CADM2: variants seen among roughly 807,000 people sequenced by gnomAD.
CADM2 encodes immunoglobulin superfamily member 4D.
In CADM2, 12 loss-of-function variants were observed where a neutral mutation model predicts 49.8. The observed-to-expected ratio is 0.24, with a 90% CI of 0.15 to 0.39. CADM2 has a LOEUF of 0.39. CADM2 is among the 10% of genes least tolerant of loss of function. The probability of loss-of-function intolerance (pLI) is 1.00; values close to 1 mark genes in which losing one functional copy is unlikely to be tolerated. For missense variants in CADM2, 378 were observed against 492.3 expected, an observed-to-expected ratio of 0.77 and a Z score of 2.20; for synonymous variants, 214 against 175.4, an observed-to-expected ratio of 1.22 and a Z score of -1.74.
At chr3:85,291,899 G>C (rs2043808730) in intron 1 of CADM2, among the ~76,000 whole-genome samples, 1 of 150,842 alleles carries the variant, frequency 6.6e-6, no homozygotes, top group South Asian at 2.1e-4. Flanking sequence ...AAAATAACCA[G>C]CTAACATCAT....
At chr3:85,078,005 C>T (rs957397944) in intron 1 of CADM2, among the ~76,000 whole-genome samples, 7 of 151,850 alleles carry the variant, frequency 4.6e-5, no homozygotes, top group African/African-American at 1.7e-4. Context: ...ACTTTTTGCT[C>T]CATTGAGAGT....
At chr3:85,678,296 A>ATAAGGCCATCTTTTTT (rs2065941881) in intron 1 of CADM2, among the ~76,000 whole-genome samples, 1 of 152,114 alleles carries the variant, frequency 6.6e-6, no homozygotes, top group Non-Finnish European at 1.5e-5. Context: ...AAGGAGATTG[A>ATAAGGCCATCTTTTTT]TAAGGCCATC....
At chr3:85,245,231 G>A (rs1429603228) in intron 1 of CADM2, among the ~76,000 whole-genome samples, 1 of 152,168 alleles carries the variant, frequency 6.6e-6, no homozygotes, top group Admixed American at 6.5e-5. Flanking sequence ...AGACTAAATT[G>A]TCAACTAAAG....
intron 1 of CADM2, among the ~76,000 whole-genome samples, chr3:85,170,457 A>G (rs28658170): frequency 0.069 from 10,424 of 151,516 alleles, 1,201 homozygotes; most frequent in African/African-American, 0.24. Flanking sequence ...TTCTGCCTCA[A>G]TCTCCTGAGT....
chr3:86,016,053 TAATC>T (rs1174042482), intron 8 of CADM2, among the ~76,000 whole-genome samples: 1 of 144,414 alleles, frequency 6.9e-6, no homozygotes, highest in Non-Finnish European at 1.5e-5. Flanking sequence ...AAAAGAAACT[TAATC>T]ATTTTATTCA....
intron 1 of CADM2, among the ~76,000 whole-genome samples, chr3:85,588,452 C>G (rs1230160349): frequency 6.6e-6 from 1 of 151,946 alleles, no homozygotes; most frequent in Admixed American, 6.6e-5. Context: ...GCAATAAGAG[C>G]CAGCAGATCT....
chr3:85,476,794 G>A (rs982680209), intron 1 of CADM2, among the ~76,000 whole-genome samples: 1 of 151,664 alleles, frequency 6.6e-6, no homozygotes, highest in Admixed American at 6.6e-5. Flanking sequence ...AATACACCAT[G>A]CTAGTTTTAT....
At chr3:85,960,062 G>C (rs1171426292) in intron 7 of CADM2, among the ~76,000 whole-genome samples, 1 of 151,760 alleles carries the variant, frequency 6.6e-6, no homozygotes, top group East Asian at 2.0e-4. Flanking sequence ...TTAGGAGCTG[G>C]GGGAGAAGAC....
At chr3:85,173,057 C>T (rs1431822660) in intron 1 of CADM2, among the ~76,000 whole-genome samples, 4 of 148,428 alleles carry the variant, frequency 2.7e-5, no homozygotes, top group Admixed American at 6.8e-5. Context: ...TGCGATGGTG[C>T]AATCTCAGCT....
chr3:85,625,844 C>T (rs939808402), intron 1 of CADM2, among the ~76,000 whole-genome samples: 1 of 151,906 alleles, frequency 6.6e-6, no homozygotes, highest in Non-Finnish European at 1.5e-5. Context: ...GATTTTAAAA[C>T]TATTTGTATG....
intron 1 of CADM2, among the ~76,000 whole-genome samples, chr3:85,351,282 G>A (rs987081067): frequency 5.9e-5 from 9 of 152,172 alleles, no homozygotes; most frequent in East Asian, 1.9e-4. Flanking sequence ...AGCTGGTATC[G>A]CTTACCATAG....
chr3:85,666,211 G>T (rs538905320), intron 1 of CADM2, among the ~76,000 whole-genome samples: 5 of 152,036 alleles, frequency 3.3e-5, no homozygotes, highest in Admixed American at 3.3e-4. Context: ...TTCATGGAGA[G>T]CCATAAACCA....
At chr3:85,140,144 G>A (rs773274973) in intron 1 of CADM2, among the ~76,000 whole-genome samples, 12 of 152,156 alleles carry the variant, frequency 7.9e-5, no homozygotes, top group Non-Finnish European at 1.5e-4. Flanking sequence ...TCATCAGAAA[G>A]CAACCTATAT....
chr3:85,172,993 A>G (rs1286300258), intron 1 of CADM2, among the ~76,000 whole-genome samples: 1 of 146,800 alleles, frequency 6.8e-6, no homozygotes. Context: ...GAAATATCTA[A>G]TACCTTTTTT....
At chr3:85,316,883 G>A (rs929982848) in intron 1 of CADM2, among the ~76,000 whole-genome samples, 1 of 152,152 alleles carries the variant, frequency 6.6e-6, no homozygotes, top group Non-Finnish European at 1.5e-5. Flanking sequence ...AAAACAGGAT[G>A]CGAAGGGCAC....
intron 1 of CADM2, among the ~76,000 whole-genome samples, chr3:85,263,816 A>C (rs1260386133): frequency 6.6e-6 from 1 of 152,040 alleles, no homozygotes; most frequent in African/African-American, 2.4e-5. Flanking sequence ...TGTTTTTCTG[A>C]GATTTCAAAA....
intron 1 of CADM2, among the ~76,000 whole-genome samples, chr3:85,679,720 G>A (rs1023048365): frequency 2.0e-5 from 3 of 152,174 alleles, no homozygotes; most frequent in African/African-American, 7.2e-5. Flanking sequence ...CACCGTGTCT[G>A]CAGGCTGCCC....
At chr3:86,053,471 C>G (rs552821125) in intron 8 of CADM2, among the ~76,000 whole-genome samples, 1 of 152,098 alleles carries the variant, frequency 6.6e-6, no homozygotes, top group Non-Finnish European at 1.5e-5. Flanking sequence ...CTTCCAATGT[C>G]TTCGTGGAAT....
intron 1 of CADM2, among the ~76,000 whole-genome samples, chr3:85,281,092 T>C (rs1034914500): frequency 1.3e-5 from 2 of 151,896 alleles, no homozygotes; most frequent in Non-Finnish European, 1.5e-5. Flanking sequence ...TGGGAATGTA[T>C]GTAAAGACTA....
Sources: allele counts gnomAD v4.1 joint callset (sites outside exome capture counted in the v4.1 genomes callset), GRCh38; gene constraint gnomAD v4.1.1; transcripts MANE v1.5; gene names NCBI Gene and HGNC (gene_info 2026-07-23, HGNC 2026-07-21).